The following CFAP70 variants were observed in gnomAD, a reference collection of about 807,000 sequenced individuals.
CFAP70 encodes the protein cilia and flagella associated protein 70.
In CFAP70, 81 loss-of-function variants were observed where a neutral mutation model predicts 137.6. The ratio of observed to expected loss-of-function variants is 0.59; its 90% confidence interval spans 0.49 to 0.71. The LOEUF (loss-of-function observed/expected upper bound fraction) is 0.71. CFAP70 is among the 30% of genes least tolerant of loss of function. The pLI is 0.00. For synonymous variants in CFAP70, 382 were observed against 423.6 expected, an observed-to-expected ratio of 0.90 and a Z score of 1.20; for missense variants, 976 against 1,226.7, an observed-to-expected ratio of 0.80 and a Z score of 3.05.
chr10:73,360,283 C>T (rs759780040), upstream of CFAP70, among the ~76,000 whole-genome samples: 11 of 152,128 alleles, frequency 7.2e-5, no homozygotes, highest in Admixed American at 5.2e-4. Context: ...ACCATCTCTT[C>T]AATTTGCTCT....
intron 7 of CFAP70, among the ~76,000 whole-genome samples, chr10:73,333,447 A>G (rs1055342951): frequency 1.3e-5 from 2 of 152,124 alleles, no homozygotes; most frequent in Non-Finnish European, 2.9e-5. Context: ...AAAAACAAAC[A>G]AACAACTATA....
chr10:73,358,427 T>C (rs1219578284), intron 1 of CFAP70, among the ~76,000 whole-genome samples: 2 of 152,226 alleles, frequency 1.3e-5, no homozygotes, highest in African/African-American at 2.4e-5. Context: ...GCGATGTGAC[T>C]GAGTCTGGTC....
intron 1 of CFAP70, among the ~76,000 whole-genome samples, chr10:73,358,433 T>C (rs1273544076): frequency 6.6e-6 from 1 of 152,238 alleles, no homozygotes; most frequent in Non-Finnish European, 1.5e-5. Context: ...TGACTGAGTC[T>C]GGTCTGGGGA....
chr10:73,297,127 G>A, exon 15 of CFAP70: 1 of 1,613,794 alleles, frequency 6.2e-7, no homozygotes, highest in Non-Finnish European at 8.5e-7. Context: ...GCTTTCAAAT[G>A]ATGTTGTCTT....
upstream of CFAP70, among the ~76,000 whole-genome samples, chr10:73,361,245 C>T (rs2054992867): frequency 6.6e-6 from 1 of 151,610 alleles, no homozygotes; most frequent in African/African-American, 2.4e-5. Context: ...CCACCTGTCT[C>T]AGCCGCCTAA....
chr10:73,263,333 T>C (rs113575234), intron 25 of CFAP70, among the ~76,000 whole-genome samples: 2,454 of 152,280 alleles, frequency 0.016, 67 homozygotes, highest in African/African-American at 0.056. Context: ...CAGGGCTCAA[T>C]TGGCCTCCCA....
At chr10:73,255,389 C>G (rs1399433569) in intron 26 of CFAP70, among the ~76,000 whole-genome samples, 1 of 151,122 alleles carries the variant, frequency 6.6e-6, no homozygotes, top group Non-Finnish European at 1.5e-5. Flanking sequence ...AGCAAGACTC[C>G]ATCTCAAAAA....
chr10:73,310,086 TG>T, intron 12 of CFAP70, 71 bp downstream of exon 13: 2 of 924,744 alleles, frequency 2.2e-6, no homozygotes, highest in Non-Finnish European at 3.3e-6. Flanking sequence ...ATTACAATCG[TG>T]GGGACAATCT....
intron 12 of CFAP70, among the ~76,000 whole-genome samples, chr10:73,305,008 C>T (rs527884145): frequency 3.3e-5 from 5 of 152,300 alleles, no homozygotes; most frequent in East Asian, 1.9e-4. Flanking sequence ...GCTCTTGCTC[C>T]GCTGCACACC....
intron 9 of CFAP70, among the ~76,000 whole-genome samples, chr10:73,313,371 CA>C (rs775077463): frequency 0.024 from 1,416 of 59,178 alleles, 14 homozygotes; most frequent in Middle Eastern, 0.068. Flanking sequence ...GACTCTGTCT[CA>C]AAAAAAAAAA....
In CFAP70 at chr10:73,348,139, G is replaced by A. The variant is rs753550540; in HGVS notation, c.349+284C>T. Reference sequence around the variant, plus strand: ...TGAATGGCAGGCTGAAATGTTGAGAGCTAAAACTCTGATTACCTTAGCACT... The same window carrying A: ...TGAATGGCAGGCTGAAATGTTGAGAACTAAAACTCTGATTACCTTAGCACT... On this transcript the variant is annotated intron_variant, in intron 4 of 26. Transcript: ENST00000310715. The A allele has an allele frequency of 1.2e-6, 2 of 1,610,912 alleles. No individual in the cohort carries two copies. The highest frequency in any genetic ancestry group is 2.2e-5 in the East Asian group (1 of 44,872).
intron 9 of CFAP70, 37 bp from the exon 11 acceptor site, chr10:73,312,680 A>T: frequency 6.7e-7 from 1 of 1,501,132 alleles, no homozygotes; most frequent in Non-Finnish European, 8.9e-7. Context: ...AAAGCAATAC[A>T]TGAGACAAAC....
chr10:73,270,220 A>G (rs1177366178), intron 24 of CFAP70, among the ~76,000 whole-genome samples: 1 of 152,116 alleles, frequency 6.6e-6, no homozygotes, highest in Non-Finnish European at 1.5e-5. Flanking sequence ...AGTTATTAAC[A>G]GCCCAATCCC....
chr10:73,308,090 G>C (rs1254645770), intron 12 of CFAP70, among the ~76,000 whole-genome samples: 1 of 152,030 alleles, frequency 6.6e-6, no homozygotes, highest in African/African-American at 2.4e-5. Context: ...GGGAGGCAGA[G>C]GTTGCGGTGA....
intron 19 of CFAP70, among the ~76,000 whole-genome samples, chr10:73,285,669 C>G (rs947731872): frequency 1.4e-5 from 2 of 147,320 alleles, no homozygotes; most frequent in African/African-American, 5.1e-5. Context: ...GAGTCTCACT[C>G]TGTCGCTGAG....
intron 25 of CFAP70, among the ~76,000 whole-genome samples, chr10:73,266,946 CTTT>C (rs1484879948): frequency 6.7e-6 from 1 of 149,512 alleles, no homozygotes. Flanking sequence ...CCCTTTACTA[CTTT>C]ATTTATTTAA....
chr10:73,269,686 A>G, exon 25 of CFAP70: 5 of 1,613,690 alleles, frequency 3.1e-6, no homozygotes, highest in Non-Finnish European at 4.2e-6. Flanking sequence ...CTTCAGAAAG[A>G]GCATCCTCAG....
Position 73,351,479 on chromosome 10 carries a change from G to A in CFAP70, c.250+2077C>T, listed in dbSNP as rs2054263824. Reference sequence around the variant, plus strand: ...GAGAAAGTCTCACTGTGTCACTCAGGCTGGAGTGCAGTGGTATGATCTCGG... The same window carrying A: ...GAGAAAGTCTCACTGTGTCACTCAGACTGGAGTGCAGTGGTATGATCTCGG... On this transcript the variant is annotated intron_variant, in intron 3 of 26. Transcript: ENST00000310715. Among the ~76,000 whole-genome samples the A allele has an allele frequency of 4.0e-5, 6 of 151,808 alleles. 1 individual carries two copies. In the South Asian group the frequency reaches 1.3e-3, roughly 32 times the overall value.
chr10:73,361,782 T>A (rs1184565866), upstream of CFAP70, among the ~76,000 whole-genome samples: 1 of 152,156 alleles, frequency 6.6e-6, no homozygotes, highest in Non-Finnish European at 1.5e-5. Flanking sequence ...CTGACAATAA[T>A]ACAATCAAAT....
Sources: gnomAD v4.1 joint callset for allele counts (sites outside exome capture counted in the v4.1 genomes callset) on GRCh38, gnomAD v4.1.1 for gene constraint, MANE v1.5 for transcripts, NCBI Gene and HGNC (gene_info 2026-07-23, HGNC 2026-07-21) for gene names.